Variants in YEATS2 observed in about 807,000 individuals in gnomAD.
The protein encoded by YEATS2 is YEATS domain containing 2.
A neutral mutation model predicts 163.2 loss-of-function variants in YEATS2; 77 were observed. The observed-to-expected ratio is 0.47, with a 90% CI of 0.39 to 0.57. The LOEUF (loss-of-function observed/expected upper bound fraction) is 0.57, where lower values mean the gene tolerates loss of function less well. Among genes scored for constraint, YEATS2 ranks in the 20% least tolerant of loss-of-function variants. The probability of loss-of-function intolerance (pLI) is 0.00; values close to 1 mark genes in which losing one functional copy is unlikely to be tolerated. For missense variants in YEATS2, 1,549 were observed against 1,729.8 expected, an observed-to-expected ratio of 0.90 and a Z score of 1.85; for synonymous variants, 631 against 645.1, an observed-to-expected ratio of 0.98 and a Z score of 0.33.
chr3:183,726,063 G>T (rs1012423941), intron 6 of YEATS2, among the ~76,000 whole-genome samples: 4 of 152,158 alleles, frequency 2.6e-5, no homozygotes, highest in Non-Finnish European at 5.9e-5. Context: ...TGGTGTTACA[G>T]TAGGAGGAGG....
chr3:183,792,679 G>A (rs986587812), intron 21 of YEATS2, among the ~76,000 whole-genome samples: 1 of 151,972 alleles, frequency 6.6e-6, no homozygotes, highest in Non-Finnish European at 1.5e-5. Flanking sequence ...CCTCATGCCT[G>A]GCTAATTTTT....
intron 26 of YEATS2, chr3:183,803,725 G>A: frequency 1.9e-6 from 1 of 520,018 alleles, no homozygotes; most frequent in Non-Finnish European, 3.4e-6. Flanking sequence ...GGAAAGCTGG[G>A]GTAGGAGGGG....
At chr3:183,708,463 G>A (rs1488558159) in intron 1 of YEATS2, among the ~76,000 whole-genome samples, 1 of 152,160 alleles carries the variant, frequency 6.6e-6, no homozygotes, top group African/African-American at 2.4e-5. Flanking sequence ...CGAGAGCTAA[G>A]ACCTCGAATT....
At chr3:183,733,173 T>C (rs1717985768) in intron 7 of YEATS2, among the ~76,000 whole-genome samples, 1 of 152,262 alleles carries the variant, frequency 6.6e-6, no homozygotes, top group Admixed American at 6.5e-5. Context: ...ATTCATGAAA[T>C]GGGCCATTCC....
chr3:183,727,012 G>C (rs919620626), intron 6 of YEATS2, among the ~76,000 whole-genome samples: 5 of 152,070 alleles, frequency 3.3e-5, no homozygotes, highest in African/African-American at 1.2e-4. Context: ...TGTTGATCAG[G>C]CTGGTCTTGA....
Position 183,808,155 on chromosome 3 carries a change from G to A in YEATS2, c.4086+51G>A, listed in dbSNP as rs755853696. 18 of 1,484,312 alleles carry A rather than the reference G, an allele frequency of 1.2e-5. No individual in the cohort carries two copies. The South Asian group carries it at 1.6e-4, about 13-fold the overall frequency. The allele number at this position is 1,484,312 out of a possible 1,614,324, so 91.9% of individuals were successfully genotyped here. A position where few individuals can be genotyped will look rare whatever the true frequency, so the allele number is the denominator to read the frequency against. Reference sequence around the variant, plus strand: ...CAGGAAGGATGGTTGCATCCCAGGCGGTTTGGAGTAAGGGGCAAGGACAGA... The same window carrying A: ...CAGGAAGGATGGTTGCATCCCAGGCAGTTTGGAGTAAGGGGCAAGGACAGA... On this transcript the variant is annotated intron_variant, in intron 29 of 30. Coordinates refer to ENST00000305135, the MANE Select transcript of YEATS2 (RefSeq NM_018023.5).
chr3:183,745,629 T>C (rs995022797), intron 8 of YEATS2, among the ~76,000 whole-genome samples: 1 of 152,164 alleles, frequency 6.6e-6, no homozygotes, highest in Admixed American at 6.5e-5. Flanking sequence ...CATTAAATAT[T>C]AAATACTCTA....
chr3:183,749,042 A>G (rs1719872921), intron 9 of YEATS2, among the ~76,000 whole-genome samples: 2 of 151,742 alleles, frequency 1.3e-5, no homozygotes, highest in South Asian at 4.2e-4. Flanking sequence ...TCCCGGGTTC[A>G]CGCCATTCTC....
chr3:183,772,997 A>G (rs1577160173), intron 16 of YEATS2, among the ~76,000 whole-genome samples: 1 of 152,220 alleles, frequency 6.6e-6, no homozygotes, highest in Non-Finnish European at 1.5e-5. Flanking sequence ...GTAAATAACA[A>G]TGTAATAACA....
chr3:183,736,663 G>T (rs1009561344), intron 7 of YEATS2, 55 bp from the exon 8 acceptor site: 1 of 1,372,560 alleles, frequency 7.3e-7, no homozygotes, highest in African/African-American at 1.5e-5. Context: ...AACTTTTCCT[G>T]TGTAGGATGA....
chr3:183,790,636 A>C (rs537703544), intron 20 of YEATS2, among the ~76,000 whole-genome samples, 161 bp from the exon 21 acceptor site: 101 of 152,348 alleles, frequency 6.6e-4, no homozygotes, highest in African/African-American at 2.3e-3. Context: ...TAACCACTGA[A>C]CTAGAGAAGT....
In YEATS2 at chr3:183,791,088, C is replaced by T; in HGVS notation, c.3097+108C>T. 6 of 1,404,500 alleles carry T rather than the reference C, an allele frequency of 4.3e-6. No homozygotes were observed. In the South Asian group the frequency reaches 8.1e-5, roughly 19 times the overall value. 87.0% of individuals were successfully genotyped at this position (1,404,500 alleles called of 1,614,324 possible). ...TCACTCTGTCGCCCAAGCTAGAGTGCAATATCACAATCTCGACTCACTGCA... is the reference window on the plus strand; with the variant it reads ...TCACTCTGTCGCCCAAGCTAGAGTGTAATATCACAATCTCGACTCACTGCA... On this transcript the variant is annotated intron_variant, in intron 21 of 30. Coordinates refer to ENST00000305135, the MANE Select transcript of YEATS2 (RefSeq NM_018023.5).
At position 183,728,747 on chromosome 3, in the gene YEATS2, A is replaced by G. The variant is rs746148005; in HGVS notation, c.708A>G (p.Val236=). 60 of 1,614,022 alleles carry G rather than the reference A, an allele frequency of 3.7e-5. No individual in the cohort carries two copies. The highest frequency in any genetic ancestry group is 1.6e-4 in the Middle Eastern group (1 of 6,084). The change falls in exon 7 of 31, where the codon GTA becomes GTG. Residue 236 remains valine (V), a synonymous_variant. Coordinates refer to ENST00000305135, the MANE Select transcript of YEATS2 (RefSeq NM_018023.5). The part of the protein sequence containing the change: ...ENDQSTHKWM[V]YVRGSRREPS... ...ACCAGTCAACTCATAAGTGGATGGT[A>G]TATGTCCGAGGGTCCCGTAGAGAAC... is the stretch of plus-strand genomic sequence containing the variant.
Position 183,776,132 on chromosome 3 carries a change from C to T in YEATS2, c.2577+9C>T. 2 of 1,544,850 alleles carry T rather than the reference C, an allele frequency of 1.3e-6. No individual in the cohort carries two copies. Among genetic ancestry groups the T allele is most frequent in the Non-Finnish European group, 1.7e-6 (2 of 1,148,622 alleles). ...TCAAGCAAACTCCCCAGGTCTGGTT[C>T]TCTGTAACTGATATTTTAAATCATT... On this transcript the variant is annotated intron_variant, in intron 18 of 30. Coordinates refer to ENST00000305135, the MANE Select transcript of YEATS2 (RefSeq NM_018023.5).
chr3:183,780,905 C>G (rs1723501518), intron 19 of YEATS2, among the ~76,000 whole-genome samples: 1 of 152,118 alleles, frequency 6.6e-6, no homozygotes, highest in East Asian at 1.9e-4. Context: ...CAAAGAGAAT[C>G]TCTTAGCATA....
At chr3:183,772,937 T>C (rs1246775578) in intron 16 of YEATS2, among the ~76,000 whole-genome samples, 1 of 152,226 alleles carries the variant, frequency 6.6e-6, no homozygotes, top group African/African-American at 2.4e-5. Flanking sequence ...CATCCTCTGA[T>C]GTACTTTACT....
intron 8 of YEATS2, among the ~76,000 whole-genome samples, chr3:183,737,088 G>A (rs893216394): frequency 6.6e-6 from 1 of 152,090 alleles, no homozygotes; most frequent in African/African-American, 2.4e-5. Context: ...CTGGAGAAAA[G>A]AACTGTTATT....
At chr3:183,712,266 AG>A (rs1326341718) in intron 1 of YEATS2, among the ~76,000 whole-genome samples, 8 of 117,434 alleles carry the variant, frequency 6.8e-5, no homozygotes, top group Admixed American at 3.9e-4. Flanking sequence ...GCTGGAGTGC[AG>A]TGGTACAATC....
chr3:183,767,474 G>A (rs1691066316), intron 15 of YEATS2, among the ~76,000 whole-genome samples: 1 of 151,682 alleles, frequency 6.6e-6, no homozygotes, highest in African/African-American at 2.4e-5. Flanking sequence ...TCCGCCTCTT[G>A]GGTTCAAGTG....
Sources: allele counts gnomAD v4.1 joint callset (sites outside exome capture counted in the v4.1 genomes callset), GRCh38; gene constraint gnomAD v4.1.1; transcripts MANE v1.5; gene names NCBI Gene and HGNC (gene_info 2026-07-23, HGNC 2026-07-21).